The following VWC2 variants were observed in gnomAD, a reference collection of about 807,000 sequenced individuals.
VWC2 encodes von Willebrand factor C domain containing 2, also known as brorin.
Under a neutral mutation model 29.8 loss-of-function variants are expected in VWC2, and 14 were observed. The ratio of observed to expected loss-of-function variants is 0.47; its 90% confidence interval spans 0.31 to 0.74. The LOEUF is 0.74. Among genes scored for constraint, VWC2 ranks in the 30% least tolerant of loss-of-function variants. The pLI, the probability that VWC2 is intolerant of heterozygous loss-of-function variation, is 0.05. For synonymous variants in VWC2, 213 were observed against 199.0 expected, an observed-to-expected ratio of 1.07 and a Z score of -0.59; for missense variants, 457 against 459.8, an observed-to-expected ratio of 0.99 and a Z score of 0.05.
intron 3 of VWC2, among the ~76,000 whole-genome samples, chr7:49,898,170 GTGTGTGTGTATATA>G (rs912158311): frequency 3.3e-5 from 5 of 151,720 alleles, no homozygotes; most frequent in African/African-American, 7.3e-5. Context: ...TGCTTTATAT[GTGTGTGTGTATATA>G]TGTGTGTGTA....
chr7:49,883,690 C>T (rs598871), intron 3 of VWC2, among the ~76,000 whole-genome samples: 117,303 of 152,126 alleles, frequency 0.77, 45,509 homozygotes, highest in East Asian at 0.88. Context: ...CTTCCGATAG[C>T]TGCACTTCCT....
chr7:49,777,505 C>T (rs556768070), intron 2 of VWC2, among the ~76,000 whole-genome samples: 60 of 152,202 alleles, frequency 3.9e-4, no homozygotes, highest in African/African-American at 1.4e-3. Flanking sequence ...AGACATATGC[C>T]CTCTGGGTTT....
chr7:49,843,214 T>C (rs997943711), intron 3 of VWC2, among the ~76,000 whole-genome samples: 2 of 152,184 alleles, frequency 1.3e-5, no homozygotes, highest in Non-Finnish European at 2.9e-5. Context: ...GTGGAAAATA[T>C]GGGAATTCCA....
At chr7:49,867,204 C>T (rs537236234) in intron 3 of VWC2, among the ~76,000 whole-genome samples, 15 of 152,278 alleles carry the variant, frequency 9.9e-5, no homozygotes, top group Admixed American at 1.3e-4. Flanking sequence ...CTAAAGAGAT[C>T]GAAACTTTGT....
chr7:49,837,184 A>AAATTAAATTAAAT (rs1789683834), intron 3 of VWC2, among the ~76,000 whole-genome samples: 1 of 152,258 alleles, frequency 6.6e-6, no homozygotes, highest in Non-Finnish European at 1.5e-5. Context: ...TTAAATTAAG[A>AAATTAAATTAAAT]ATTGCAACTG....
At chr7:49,840,152 G>A (rs1332280013) in intron 3 of VWC2, among the ~76,000 whole-genome samples, 11 of 152,196 alleles carry the variant, frequency 7.2e-5, no homozygotes, top group Non-Finnish European at 1.0e-4. Context: ...AAGAGTGACT[G>A]TTCTTCCGTC....
chr7:49,857,540 A>T (rs1481504445), intron 3 of VWC2, among the ~76,000 whole-genome samples: 2 of 152,248 alleles, frequency 1.3e-5, no homozygotes, highest in Non-Finnish European at 2.9e-5. Context: ...CGACAGGTAG[A>T]AGAAAAAGTG....
intron 3 of VWC2, among the ~76,000 whole-genome samples, chr7:49,850,248 T>G (rs1005670072): frequency 6.6e-6 from 1 of 152,234 alleles, no homozygotes; most frequent in East Asian, 1.9e-4. Flanking sequence ...GTCCACTTCA[T>G]GCCACACACC....
chr7:49,915,541 A>T lies in VWC2; in HGVS notation c.*3356A>T, dbSNP rs1793672862. 1 of 152,212 alleles carries T rather than the reference A, an allele frequency of 6.6e-6. No homozygotes were observed. Among genetic ancestry groups the T allele is most frequent in the Non-Finnish European group, 1.5e-5 (1 of 68,022 alleles). 9.4% of individuals were successfully genotyped at this position (152,212 alleles called of 1,614,324 possible). Reference sequence around the variant, plus strand: ...AGTCCTAAAAAATCATAAAATTCAGATGTTTAATTTTTGTTTTTAAGCAGT... The same window carrying T: ...AGTCCTAAAAAATCATAAAATTCAGTTGTTTAATTTTTGTTTTTAAGCAGT... On this transcript the variant is annotated 3_prime_UTR_variant, in exon 4 of 4. Transcript: ENST00000340652.
At chr7:49,880,096 C>T (rs562089963) in intron 3 of VWC2, among the ~76,000 whole-genome samples, 3 of 152,208 alleles carry the variant, frequency 2.0e-5, no homozygotes, top group Admixed American at 6.5e-5. Flanking sequence ...TAATAACTCC[C>T]GTTAGATTTT....
Position 49,917,307 on chromosome 7 carries a change from AG to A in VWC2, c.*5123del, listed in dbSNP as rs1793775274. ...ACCTGCTATTCTAGCCTTAACACAA[AG>A]ATTTGGCTAATTTTTAAATGAACAA... is the stretch of plus-strand genomic sequence containing the variant. On this transcript the variant is annotated 3_prime_UTR_variant, in exon 4 of 4. Transcript: ENST00000340652. 1 of 152,168 alleles carries A rather than the reference AG, an allele frequency of 6.6e-6. No individual in the cohort carries two copies. Among genetic ancestry groups the A allele is most frequent in the Non-Finnish European group, 1.5e-5 (1 of 68,010 alleles). 9.4% of individuals were successfully genotyped at this position (152,168 alleles called of 1,614,324 possible).
At chr7:49,875,113 T>G (rs1218577439) in intron 3 of VWC2, among the ~76,000 whole-genome samples, 1 of 151,750 alleles carries the variant, frequency 6.6e-6, no homozygotes, top group Non-Finnish European at 1.5e-5. Flanking sequence ...GGCTCATGCC[T>G]GTAATCCCAG....
At chr7:49,849,441 A>AT (rs939864341) in intron 3 of VWC2, among the ~76,000 whole-genome samples, 21 of 152,182 alleles carry the variant, frequency 1.4e-4, no homozygotes, top group African/African-American at 5.1e-4. Flanking sequence ...CTGGGAGCAG[A>AT]CTGTCAGGAA....
chr7:49,828,855 T>C (rs1364189957), intron 3 of VWC2, among the ~76,000 whole-genome samples: 3 of 152,178 alleles, frequency 2.0e-5, no homozygotes. Flanking sequence ...TCTGGGCCAC[T>C]GTACCCTGCC....
intron 2 of VWC2, among the ~76,000 whole-genome samples, chr7:49,781,823 C>A (rs1183512156): frequency 6.6e-6 from 1 of 152,158 alleles, no homozygotes; most frequent in Non-Finnish European, 1.5e-5. Flanking sequence ...ATCTGATGAA[C>A]AAAATAATGT....
intron 3 of VWC2, among the ~76,000 whole-genome samples, chr7:49,882,310 T>C (rs1791703161): frequency 6.6e-6 from 1 of 152,140 alleles, no homozygotes; most frequent in South Asian, 2.1e-4. Context: ...CTTCCTCACT[T>C]TATAATGTTA....
intron 2 of VWC2, 84 bp from the exon 3 acceptor site, chr7:49,802,627 G>A (rs1788768832): frequency 6.4e-7 from 1 of 1,561,914 alleles, no homozygotes; most frequent in Non-Finnish European, 8.7e-7. Context: ...GACAGAGCGA[G>A]ACTCCATTTC....
intron 3 of VWC2, among the ~76,000 whole-genome samples, chr7:49,884,357 A>T (rs953470515): frequency 1.2e-4 from 19 of 152,224 alleles, no homozygotes; most frequent in African/African-American, 4.6e-4. Flanking sequence ...AGAAGGCTTT[A>T]ACCGGGTGCT....
chr7:49,853,876 C>A (rs1357156625), intron 3 of VWC2, among the ~76,000 whole-genome samples: 1 of 134,556 alleles, frequency 7.4e-6, no homozygotes, highest in African/African-American at 2.8e-5. Flanking sequence ...CCCCCCACCC[C>A]ACAACAGGCC....
Sources: allele counts gnomAD v4.1 joint callset (sites outside exome capture counted in the v4.1 genomes callset), GRCh38; gene constraint gnomAD v4.1.1; transcripts MANE v1.5; gene names NCBI Gene and HGNC (gene_info 2026-07-23, HGNC 2026-07-21).